Variants in ASIC2 observed in about 807,000 individuals in gnomAD.
ASIC2 encodes the protein acid-sensing ion channel 2.
ASIC2 carries 25 observed loss-of-function variants against 57.3 expected under a neutral mutation model. That is an observed-to-expected ratio of 0.44 (90% CI 0.32 to 0.61). The LOEUF (loss-of-function observed/expected upper bound fraction) is 0.61. ASIC2 is among the 20% of genes least tolerant of loss of function. The pLI, the probability that ASIC2 is intolerant of heterozygous loss-of-function variation, is 0.06. For synonymous variants in ASIC2, 319 were observed against 307.5 expected (o/e 1.04, Z -0.39); for missense variants, 641 against 738.1 (o/e 0.87, Z 1.52).
At chr17:33,438,899 G>A (rs542193332) in intron 1 of ASIC2, among the ~76,000 whole-genome samples, 2 of 149,648 alleles carry the variant, frequency 1.3e-5, no homozygotes, top group East Asian at 3.9e-4. Context: ...ACACAGGCCA[G>A]TGGCACAATC....
At chr17:33,736,757 C>T (rs1360689923) in intron 1 of ASIC2, among the ~76,000 whole-genome samples, 2 of 152,104 alleles carry the variant, frequency 1.3e-5, no homozygotes, top group African/African-American at 2.4e-5. Flanking sequence ...TTTCCCTATA[C>T]TTACATAGAC....
chr17:33,273,976 C>G (rs1904608159), intron 1 of ASIC2, among the ~76,000 whole-genome samples: 1 of 152,154 alleles, frequency 6.6e-6, no homozygotes, highest in Admixed American at 6.5e-5. Context: ...TGTGGGAAGG[C>G]AATGGGTGGT....
chr17:34,061,230 T>A lies in ASIC2; in HGVS notation c.555+94748A>T, dbSNP rs139674167. ...AACAAAACCATTATCAGCCAAGAATTGTGTACCCAGTGAAACTAAGCATCA... is the reference window on the plus strand; with the variant it reads ...AACAAAACCATTATCAGCCAAGAATAGTGTACCCAGTGAAACTAAGCATCA... On this transcript the variant is annotated intron_variant, in intron 1 of 9. Coordinates refer to the ASIC2 transcript ENST00000359872. Among the ~76,000 whole-genome samples the A allele has an allele frequency of 5.9e-5, 9 of 151,748 alleles. No individual in the cohort carries two copies. The East Asian group carries it at 1.7e-3, about 29-fold the overall frequency.
chr17:33,524,865 G>T (rs145796596), intron 1 of ASIC2, among the ~76,000 whole-genome samples: 3 of 152,074 alleles, frequency 2.0e-5, no homozygotes, highest in African/African-American at 7.2e-5. Context: ...ACATTACAGC[G>T]CTGGGCTTCC....
intron 1 of ASIC2, among the ~76,000 whole-genome samples, chr17:33,970,312 C>T (rs1905192498): frequency 6.6e-6 from 1 of 152,150 alleles, no homozygotes; most frequent in African/African-American, 2.4e-5. Context: ...TCTCGAAGCC[C>T]AGGCAGCACC....
Position 33,830,768 on chromosome 17 carries a change from T to C in ASIC2, c.555+325210A>G, listed in dbSNP as rs542963851. Among the ~76,000 whole-genome samples the C allele has an allele frequency of 2.0e-5, 3 of 152,170 alleles. No individual in the cohort carries two copies. In the South Asian group the frequency reaches 6.2e-4, roughly 32 times the overall value. ...TGTGATGGTCCCCTCCCTGTGTCTATGTGTTCTCACTGTTCAAATTCCACT... is the reference window on the plus strand; with the variant it reads ...TGTGATGGTCCCCTCCCTGTGTCTACGTGTTCTCACTGTTCAAATTCCACT... On this transcript the variant is annotated intron_variant, in intron 1 of 9. Coordinates refer to the ASIC2 transcript ENST00000359872.
intron 1 of ASIC2, among the ~76,000 whole-genome samples, chr17:33,215,166 T>C (rs1907427807): frequency 6.6e-6 from 1 of 152,206 alleles, no homozygotes; most frequent in Non-Finnish European, 1.5e-5. Context: ...CAAAATAGAA[T>C]AGATACTTTA....
intron 1 of ASIC2, among the ~76,000 whole-genome samples, chr17:33,190,230 A>G (rs1906360013): frequency 6.6e-6 from 1 of 152,218 alleles, no homozygotes; most frequent in African/African-American, 2.4e-5. Context: ...AATTGTTTCA[A>G]TATAGTATAA....
intron 1 of ASIC2, among the ~76,000 whole-genome samples, chr17:33,159,257 C>G (rs1320689118): frequency 6.6e-6 from 1 of 152,200 alleles, no homozygotes; most frequent in African/African-American, 2.4e-5. Flanking sequence ...TGCACTTCAA[C>G]GATGCATCAT....
At chr17:33,987,146 C>T (rs1338019264) in intron 1 of ASIC2, among the ~76,000 whole-genome samples, 3 of 152,150 alleles carry the variant, frequency 2.0e-5, no homozygotes, top group South Asian at 2.1e-4. Flanking sequence ...TTAACTTACC[C>T]AGGTCACATG....
chr17:33,333,799 G>A (rs914255856), intron 1 of ASIC2, among the ~76,000 whole-genome samples: 1 of 152,232 alleles, frequency 6.6e-6, no homozygotes, highest in African/African-American at 2.4e-5. Flanking sequence ...AGAGGAAAGA[G>A]GAGGATTATG....
At chr17:33,929,857 G>C (rs189932064) in intron 1 of ASIC2, among the ~76,000 whole-genome samples, 2 of 152,274 alleles carry the variant, frequency 1.3e-5, no homozygotes, top group Non-Finnish European at 2.9e-5. Context: ...ACGATAAAAG[G>C]CTTCACAATA....
chr17:33,186,215 A>T (rs1464594772), intron 1 of ASIC2, among the ~76,000 whole-genome samples: 1 of 151,892 alleles, frequency 6.6e-6, no homozygotes, highest in East Asian at 1.9e-4. Context: ...AGTTCAAGTG[A>T]TTCTCCTGCC....
intron 3 of ASIC2, among the ~76,000 whole-genome samples, chr17:33,073,031 C>T (rs528175323): frequency 1.3e-5 from 2 of 152,150 alleles, no homozygotes; most frequent in South Asian, 2.1e-4. Flanking sequence ...AATATGAGCA[C>T]GTTTCCTTGG....
chr17:33,161,995 C>T (rs1905177583), intron 1 of ASIC2, among the ~76,000 whole-genome samples: 1 of 151,436 alleles, frequency 6.6e-6, no homozygotes, highest in African/African-American at 2.4e-5. Context: ...ACCAAGATCC[C>T]TTCAGCTTCC....
chr17:33,014,858 G>A (rs147337650), intron 9 of ASIC2, among the ~76,000 whole-genome samples: 1,756 of 152,326 alleles, frequency 0.012, 45 homozygotes, highest in African/African-American at 0.039. Context: ...ACTAGGTGCT[G>A]TGCTGACTGC....
chr17:34,012,459 T>C (rs1165186298), intron 1 of ASIC2, among the ~76,000 whole-genome samples: 1 of 152,224 alleles, frequency 6.6e-6, no homozygotes, highest in Non-Finnish European at 1.5e-5. Context: ...ACAACTGGCC[T>C]GGGTACTGCT....
At chr17:33,515,029 T>C (rs921927600) in intron 1 of ASIC2, among the ~76,000 whole-genome samples, 1 of 152,214 alleles carries the variant, frequency 6.6e-6, no homozygotes, top group African/African-American at 2.4e-5. Flanking sequence ...TGTCCACGGA[T>C]ATGTGCCCAG....
intron 1 of ASIC2, among the ~76,000 whole-genome samples, chr17:33,864,413 C>T (rs965385919): frequency 1.3e-5 from 2 of 152,150 alleles, no homozygotes; most frequent in African/African-American, 4.8e-5. Context: ...TAAGCCCAGC[C>T]ACCTATTTGG....
Sources: allele counts gnomAD v4.1 joint callset (sites outside exome capture counted in the v4.1 genomes callset), GRCh38; gene constraint gnomAD v4.1.1; transcripts MANE v1.5; gene names NCBI Gene and HGNC (gene_info 2026-07-23, HGNC 2026-07-21).